Variants in TENT4B observed in about 807,000 individuals in gnomAD.
The protein encoded by TENT4B is terminal nucleotidyltransferase 4B.
TENT4B carries 10 observed loss-of-function variants against 75.0 expected under a neutral mutation model. The ratio of observed to expected loss-of-function variants is 0.13; its 90% confidence interval spans 0.08 to 0.23. The LOEUF is 0.23. TENT4B is among the 10% of genes least tolerant of loss of function. TENT4B has a pLI of 1.00. For missense variants in TENT4B, 579 were observed against 893.8 expected (o/e 0.65, Z 4.49); for synonymous variants, 350 against 357.7 (o/e 0.98, Z 0.24).
upstream of TENT4B, among the ~76,000 whole-genome samples, chr16:50,153,212 G>T (rs1172933842): frequency 6.4e-5 from 9 of 140,596 alleles, 1 homozygote; most frequent in East Asian, 1.7e-3. Context: ...GAGAGGGGCG[G>T]AGCCGGCAGA....
intron 5 of TENT4B, 35 bp from the exon 6 acceptor site, chr16:50,222,271 C>G: frequency 6.5e-7 from 1 of 1,544,752 alleles, no homozygotes; most frequent in African/African-American, 1.4e-5. Context: ...GTTGCTGATA[C>G]AGGAATTCAT....
chr16:50,192,931 G>A (rs779642076), intron 1 of TENT4B, among the ~76,000 whole-genome samples: 34 of 152,122 alleles, frequency 2.2e-4, no homozygotes, highest in Non-Finnish European at 3.5e-4. Flanking sequence ...AAAATTAGCT[G>A]GGCATGGTGT....
At chr16:50,164,738 TA>T (rs954298615) in intron 1 of TENT4B, among the ~76,000 whole-genome samples, 1 of 150,974 alleles carries the variant, frequency 6.6e-6, no homozygotes, top group African/African-American at 2.4e-5. Context: ...TTTTTTGACT[TA>T]AAAAAAAAGG....
chr16:50,199,637 G>A lies in TENT4B; in HGVS notation c.639-11686G>A, dbSNP rs1412662793. Among the ~76,000 whole-genome samples, 2 of 152,158 alleles carry A rather than the reference G, an allele frequency of 1.3e-5. 1 individual carries two copies. Among genetic ancestry groups the A allele is most frequent in the Non-Finnish European group, 2.9e-5 (2 of 68,036 alleles). On this transcript the variant is annotated intron_variant, in intron 1 of 11. Transcript: ENST00000561678. ...AATCATACAGCATGTAACCTTTTCA[G>A]ATTGGCTTCTTTTACGTAGTAATAT...
chr16:50,156,678 T>C (rs1014259523), intron 1 of TENT4B, among the ~76,000 whole-genome samples: 2 of 151,590 alleles, frequency 1.3e-5, no homozygotes, highest in Admixed American at 1.3e-4. Context: ...CTTTTGAGAC[T>C]GGGTCTCACT....
intron 1 of TENT4B, among the ~76,000 whole-genome samples, chr16:50,181,896 A>G (rs562195205): frequency 2.7e-4 from 41 of 152,296 alleles, no homozygotes; most frequent in African/African-American, 8.9e-4. Flanking sequence ...ACATTTTATT[A>G]AAAATGCTAG....
At chr16:50,156,344 GA>G (rs1171147089) in intron 1 of TENT4B, among the ~76,000 whole-genome samples, 2 of 72,894 alleles carry the variant, frequency 2.7e-5, no homozygotes, top group African/African-American at 5.2e-5. Flanking sequence ...CATGTATTCT[GA>G]TTTTTTTTTT....
chr16:50,216,275 A>G, intron 4 of TENT4B, 80 bp downstream of exon 4: 2 of 1,524,536 alleles, frequency 1.3e-6, no homozygotes, highest in Non-Finnish European at 1.8e-6. Flanking sequence ...TTTGGTGAGC[A>G]CAGTTGCATT....
At chr16:50,162,858 A>G (rs2038027396) in intron 1 of TENT4B, among the ~76,000 whole-genome samples, 1 of 152,186 alleles carries the variant, frequency 6.6e-6, no homozygotes, top group Non-Finnish European at 1.5e-5. Flanking sequence ...GTCTTTTCAT[A>G]TGAGGATATT....
intron 2 of TENT4B, among the ~76,000 whole-genome samples, chr16:50,212,018 T>C (rs2031304909): frequency 6.6e-6 from 1 of 152,156 alleles, no homozygotes; most frequent in Non-Finnish European, 1.5e-5. Flanking sequence ...TTACTCAGGA[T>C]TTCTTCTTGG....
In TENT4B at chr16:50,153,785, G is replaced by A; in HGVS notation, c.164G>A (p.Ser55Asn). Residue 55 changes from serine (S) to asparagine (N), a missense_variant, in exon 1 of 12, where the codon AGC becomes AAC. Physicochemically the swap from Ser to Asn is conservative, Grantham distance 46. This residue lies in a region of TENT4B where 253 missense variants were observed against 270.1 expected (regional missense o/e 0.94). Coordinates refer to ENST00000561678, the MANE Select transcript of TENT4B (RefSeq NM_001365324.3). ...ASGGGGSSSSSSTATGGSGSS... is the reference protein window; with the variant it reads ...ASGGGGSSSSNSTATGGSGSS... ...GGCGGCGGCGGCAGCAGCAGCAGCA[G>A]CAGCACGGCCACCGGCGGGAGCGGC... 2 of 1,182,914 alleles carry A rather than the reference G, an allele frequency of 1.7e-6. No individual in the cohort carries two copies. The highest frequency in any genetic ancestry group is 2.1e-6 in the Non-Finnish European group (2 of 957,426). 73.3% of individuals were successfully genotyped at this position (1,182,914 alleles called of 1,614,324 possible). A position where few individuals can be genotyped will look rare whatever the true frequency, so the allele number is the denominator to read the frequency against.
chr16:50,216,279 T>A, intron 4 of TENT4B, 84 bp downstream of exon 4: 1 of 1,507,230 alleles, frequency 6.6e-7, no homozygotes. Context: ...GTGAGCACAG[T>A]TGCATTGCAA....
chr16:50,184,825 C>A (rs1483299136), intron 1 of TENT4B, among the ~76,000 whole-genome samples: 1 of 152,060 alleles, frequency 6.6e-6, no homozygotes, highest in Non-Finnish European at 1.5e-5. Context: ...CCCCCTGGTT[C>A]TAGTGATTCT....
At chr16:50,196,249 G>T (rs2030232626) in intron 1 of TENT4B, among the ~76,000 whole-genome samples, 1 of 152,152 alleles carries the variant, frequency 6.6e-6, no homozygotes, top group South Asian at 2.1e-4. Flanking sequence ...ATGTCATCCT[G>T]TGATCTGCTG....
chr16:50,202,639 A>C (rs1205858303), intron 1 of TENT4B, among the ~76,000 whole-genome samples: 1 of 152,144 alleles, frequency 6.6e-6, no homozygotes, highest in South Asian at 2.1e-4. Flanking sequence ...ACTTTGCCCA[A>C]ATTTGGTTAG....
At chr16:50,196,416 A>G (rs1322661187) in intron 1 of TENT4B, among the ~76,000 whole-genome samples, 5 of 152,176 alleles carry the variant, frequency 3.3e-5, no homozygotes, top group African/African-American at 1.2e-4. Context: ...TTGTTACCAC[A>G]GTATGAGTGC....
Position 50,215,252 on chromosome 16 carries a change from A to G in TENT4B, c.810-823A>G, listed in dbSNP as rs933692682. ...CCTTAAATTTTAATCTCTCCAGAAT[A>G]AAGTCAGCATCATGTTTTTCCATTT... On this transcript the variant is annotated intron_variant, in intron 3 of 11. Coordinates refer to ENST00000561678, the MANE Select transcript of TENT4B (RefSeq NM_001365324.3). Among the ~76,000 whole-genome samples, 6 of 152,176 alleles carry G rather than the reference A, an allele frequency of 3.9e-5. No individual in the cohort carries two copies. The South Asian group carries it at 1.2e-3, about 32-fold the overall frequency.
intron 5 of TENT4B, among the ~76,000 whole-genome samples, chr16:50,218,594 C>A (rs1003776976): frequency 2.6e-5 from 4 of 151,780 alleles, no homozygotes; most frequent in African/African-American, 9.7e-5. Context: ...CCTTGTGATC[C>A]GCCTACCTCG....
intron 1 of TENT4B, among the ~76,000 whole-genome samples, chr16:50,174,217 C>T (rs866619039): frequency 6.6e-6 from 1 of 152,264 alleles, no homozygotes; most frequent in Middle Eastern, 3.4e-3. Flanking sequence ...TGTGCCTTAG[C>T]CTCCCAAATA....
Sources: gnomAD v4.1 joint callset for allele counts (sites outside exome capture counted in the v4.1 genomes callset) on GRCh38, gnomAD v4.1.1 for gene constraint, gnomAD v4.1.1 regional missense constraint, MANE v1.5 for transcripts, NCBI Gene and HGNC (gene_info 2026-07-23, HGNC 2026-07-21) for gene names.